The following ZNF518A variants were observed in gnomAD, a reference collection of about 807,000 sequenced individuals.
ZNF518A encodes zinc finger protein 518A, also known as zinc finger protein 518.
Under a neutral mutation model 102.7 loss-of-function variants are expected in ZNF518A, and 47 were observed. The observed-to-expected ratio is 0.46, with a 90% confidence interval of 0.36 to 0.58. The LOEUF is 0.58. Among genes scored for constraint, ZNF518A ranks in the 20% least tolerant of loss-of-function variants. ZNF518A has a pLI of 0.00. For missense variants in ZNF518A, 1,793 were observed against 1,699.8 expected, an observed-to-expected ratio of 1.05 and a Z score of -0.96; for synonymous variants, 652 against 594.6, an observed-to-expected ratio of 1.10 and a Z score of -1.40.
rs1554883845 is a variant in ZNF518A, at chr10:96,157,819, A to G, written c.1497A>G (p.Thr499=). The G allele has an allele frequency of 2.5e-6, 4 of 1,613,928 alleles. No homozygotes were observed. Residue 499 remains threonine (T), a synonymous_variant, in exon 6 of 6, where the codon ACA becomes ACG. Coordinates refer to ENST00000316045, the MANE Select transcript of ZNF518A (RefSeq NM_001330736.2). ...CTAATGGATTTTTAACAGGAGTAAC[A>G]ACTGAGTTAAATGACACAGTTTATA... ...LDTNGFLTGV[T]TELNDTVYMK...
intron 1 of ZNF518A, among the ~76,000 whole-genome samples, chr10:96,196,060 A>G (rs1489262674): frequency 1.3e-5 from 2 of 152,218 alleles, no homozygotes; most frequent in East Asian, 3.8e-4. Context: ...AACAATTCAA[A>G]TATTTTCTAG....
At chr10:96,163,785 CCAGA>C (rs1554889340), downstream of ZNF518A, 2 of 166,902 alleles carry the variant, frequency 1.2e-5, no homozygotes, top group South Asian at 4.1e-4. Context: ...ATTTGGCCCA[CCAGA>C]CATAGTTTAC....
chr10:96,197,941 G>GA lies in ZNF518A; in HGVS notation n.36-5624dup, dbSNP rs587641669. 3.5e-3 allele frequency among the ~76,000 whole-genome samples: 509 copies of GA among 146,164 alleles called. 4 individuals are homozygous for GA. Among genetic ancestry groups the GA allele is most frequent in the African/African-American group, 0.012 (487 of 40,016 alleles). ...AAAAAAAAAGAAAGAAAAAGAAAAA[G>GA]AAAAAAAAATCCCCAAACTGTAAGA... On this transcript the variant is annotated intron_variant and non_coding_transcript_variant, in intron 1 of 2. Transcript: ENST00000442635.
chr10:96,141,008 T>C (rs1039357463), intron 3 of ZNF518A, among the ~76,000 whole-genome samples: 3 of 152,092 alleles, frequency 2.0e-5, no homozygotes, highest in Non-Finnish European at 4.4e-5. Context: ...AGTTCCAAAT[T>C]ATTGCAGCAA....
chr10:96,181,003 C>T (rs1185278250), intron 1 of ZNF518A, among the ~76,000 whole-genome samples: 3 of 152,120 alleles, frequency 2.0e-5, no homozygotes, highest in Non-Finnish European at 2.9e-5. Flanking sequence ...CTCTCCAGCA[C>T]CTGTTGTTTC....
chr10:96,187,685 A>C (rs1052556503), intron 1 of ZNF518A, among the ~76,000 whole-genome samples: 4 of 152,240 alleles, frequency 2.6e-5, no homozygotes, highest in African/African-American at 4.8e-5. Context: ...AACAGAAGAC[A>C]AGAACTGGGG....
intron 1 of ZNF518A, among the ~76,000 whole-genome samples, chr10:96,198,031 G>A (rs1212535127): frequency 1.3e-5 from 2 of 150,912 alleles, no homozygotes; most frequent in African/African-American, 2.4e-5. Context: ...AAAAAATTAC[G>A]AACAAAAGAT....
At chr10:96,148,135 A>G (rs587646730) in intron 3 of ZNF518A, among the ~76,000 whole-genome samples, 27 of 152,226 alleles carry the variant, frequency 1.8e-4, no homozygotes, top group Non-Finnish European at 3.7e-4. Flanking sequence ...CTAGAAATCA[A>G]TGAGTTTTAA....
intron 1 of ZNF518A, among the ~76,000 whole-genome samples, chr10:96,202,110 GGAGAA>G (rs2083658745): frequency 6.6e-6 from 1 of 152,142 alleles, no homozygotes; most frequent in Non-Finnish European, 1.5e-5. Flanking sequence ...TAAGAAAAGG[GGAGAA>G]GAGTAAGAGA....
intron 3 of ZNF518A, among the ~76,000 whole-genome samples, chr10:96,140,115 C>T (rs1564745677): frequency 6.6e-6 from 1 of 152,126 alleles, no homozygotes; most frequent in South Asian, 2.1e-4. Flanking sequence ...GCCTCAGCCT[C>T]GCAGAGTGCT....
intron 3 of ZNF518A, among the ~76,000 whole-genome samples, chr10:96,143,605 A>G (rs1361537835): frequency 6.6e-6 from 1 of 152,204 alleles, no homozygotes; most frequent in Non-Finnish European, 1.5e-5. Context: ...GATTACAAGC[A>G]GTAGAAACCA....
downstream of ZNF518A, among the ~76,000 whole-genome samples, chr10:96,167,699 GAAAC>G (rs2083150440): frequency 2.6e-5 from 4 of 152,172 alleles, 1 homozygote; most frequent in South Asian, 8.3e-4. Context: ...TATGCAATCT[GAAAC>G]AAAAAGTTTG....
downstream of ZNF518A, chr10:96,204,306 A>T: frequency 1.4e-6 from 1 of 704,376 alleles, no homozygotes; most frequent in East Asian, 2.7e-5. Context: ...TGACTAAAGT[A>T]TTGTATTTTA....
chr10:96,179,843 C>T (rs1397065043), intron 1 of ZNF518A, among the ~76,000 whole-genome samples: 2 of 74,618 alleles, frequency 2.7e-5, no homozygotes, highest in Admixed American at 1.4e-4. Flanking sequence ...CCTCCTCATC[C>T]TTCTTCTTTT....
rs1554871348 is a variant in ZNF518A at position 96,130,750 on chromosome 10, A to ACTCT, written c.-455_-454insCTCT. 1.3e-5 allele frequency: 2 copies of ACTCT among 152,342 alleles called. No individual in the cohort carries two copies. The highest frequency in any genetic ancestry group is 4.8e-5 in the African/African-American group (2 of 41,432). The allele number at this position is 152,342 out of a possible 1,614,324, so 9.4% of individuals were successfully genotyped here. A position where few individuals can be genotyped will look rare whatever the true frequency, so the allele number is the denominator to read the frequency against. ...GCTCGCTCTTCTCCAGAGTTGGCCA[A>ACTCT]AGGTGCTCTTCCCCGCAGACCCTAA... On this transcript the variant is annotated splice_region_variant and 5_prime_UTR_variant, in exon 1 of 6. It introduces an in-frame stop codon into an upstream open reading frame of the 5' UTR. Transcript: ENST00000316045.
chr10:96,140,613 T>G (rs2081869909), intron 3 of ZNF518A, among the ~76,000 whole-genome samples: 1 of 152,124 alleles, frequency 6.6e-6, no homozygotes, highest in Admixed American at 6.6e-5. Context: ...GTTCAGATTT[T>G]TCTCCCAATT....
Position 96,157,236 on chromosome 10 carries a change from C to T in ZNF518A, c.914C>T (p.Ala305Val). 1 of 1,609,484 alleles carries T rather than the reference C, an allele frequency of 6.2e-7. No individual in the cohort carries two copies. Among genetic ancestry groups the T allele is most frequent in the Non-Finnish European group, 8.5e-7 (1 of 1,178,290 alleles). ...LEKDKYEKRM[A>V]KTSAGLKLIL... ...AAAGACAAATATGAAAAAAGAATGG[C>T]AAAGACTTCTGCAGGACTTAAGCTA... The change falls in exon 6 of 6, where the codon GCA (alanine) becomes GTA (valine). Residue 305 changes from alanine to valine, a missense_variant. Around this residue, in one of 3 missense-constraint regions of ZNF518A, gnomAD observed 1,741 missense variants for 1,622.6 expected, o/e 1.07. Transcript: ENST00000316045.
upstream of ZNF518A, among the ~76,000 whole-genome samples, chr10:96,130,283 C>G (rs1429580761): frequency 6.6e-6 from 1 of 152,242 alleles, no homozygotes; most frequent in Admixed American, 6.5e-5. Flanking sequence ...CCCGGCCATT[C>G]AGCGCTTCCG....
At chr10:96,186,774 T>C (rs954974654) in intron 1 of ZNF518A, among the ~76,000 whole-genome samples, 1 of 152,344 alleles carries the variant, frequency 6.6e-6, no homozygotes, top group South Asian at 2.1e-4. Context: ...AATCTGTTAT[T>C]GGTAAAGCTG....
Sources: gnomAD v4.1 joint callset for allele counts (sites outside exome capture counted in the v4.1 genomes callset) on GRCh38, gnomAD v4.1.1 for gene constraint, gnomAD v4.1.1 regional missense constraint, MANE v1.5 for transcripts, NCBI Gene and HGNC (gene_info 2026-07-23, HGNC 2026-07-21) for gene names.